Variants in PIK3CB observed in about 807,000 individuals in gnomAD.
PIK3CB encodes the protein phosphatidylinositol-4,5-bisphosphate 3-kinase catalytic subunit beta, also known as phosphatidylinositol 4,5-bisphosphate 3-kinase catalytic subunit beta isoform.
In PIK3CB, 39 loss-of-function variants were observed where a neutral mutation model predicts 136.8. The observed-to-expected ratio is 0.29, with a 90% CI of 0.22 to 0.37. The LOEUF (loss-of-function observed/expected upper bound fraction) is 0.37, where lower values mean the gene tolerates loss of function less well. Among genes scored for constraint, PIK3CB ranks in the 10% least tolerant of loss-of-function variants. PIK3CB has a pLI of 1.00. For missense variants in PIK3CB, 868 were observed against 1,275.4 expected, an observed-to-expected ratio of 0.68 and a Z score of 4.87; for synonymous variants, 428 against 436.6, an observed-to-expected ratio of 0.98 and a Z score of 0.25.
At chr3:138,831,269 A>AT (rs1474639996) in intron 1 of PIK3CB, among the ~76,000 whole-genome samples, 48 of 146,922 alleles carry the variant, frequency 3.3e-4, no homozygotes, top group African/African-American at 1.1e-3. Context: ...AATAAATAAA[A>AT]TAAAATAAAA....
chr3:138,683,422 G>A (rs756727547), intron 18 of PIK3CB, among the ~76,000 whole-genome samples: 8 of 151,760 alleles, frequency 5.3e-5, no homozygotes, highest in Middle Eastern at 3.4e-3. Flanking sequence ...GAGTAGGCGC[G>A]TTTTGTATTT....
At chr3:138,758,061 G>A (rs2045604858) in intron 3 of PIK3CB, among the ~76,000 whole-genome samples, 1 of 152,132 alleles carries the variant, frequency 6.6e-6, no homozygotes, top group Admixed American at 6.5e-5. Flanking sequence ...TACATACAAT[G>A]GAATATTATT....
Position 138,665,070 on chromosome 3 carries a change from C to T in PIK3CB, c.2638G>A (p.Ala880Thr). Reference protein sequence around the residue: ...VAAAAAFNKDALLNWLKEYNS... With the variant: ...VAAAAAFNKDTLLNWLKEYNS... Reference sequence around the variant, plus strand: ...TATTCTTTAAGCCAGTTCAGAAGGGCATCTTTGTTGAAGGCTGCTGCAGCA... The same window carrying T: ...TATTCTTTAAGCCAGTTCAGAAGGGTATCTTTGTTGAAGGCTGCTGCAGCA... Residue 880 changes from alanine (A) to threonine (T), a missense_variant, in exon 20 of 24, where the codon GCC (alanine) becomes ACC (threonine). By Grantham distance (58) the Ala-to-Thr change is moderately conservative. Coordinates refer to ENST00000674063, the MANE Select transcript of PIK3CB (RefSeq NM_006219.3). 1 of 1,612,368 alleles carries T rather than the reference C, an allele frequency of 6.2e-7. No individual in the cohort carries two copies. Among genetic ancestry groups the T allele is most frequent in the South Asian group, 1.1e-5 (1 of 90,630 alleles).
intron 6 of PIK3CB, among the ~76,000 whole-genome samples, chr3:138,736,397 T>C (rs563193902): frequency 1.3e-5 from 2 of 152,284 alleles, no homozygotes; most frequent in South Asian, 4.1e-4. Flanking sequence ...CAAACACATA[T>C]TACTTTATAA....
At chr3:138,790,648 CAA>C (rs770490275) in intron 2 of PIK3CB, among the ~76,000 whole-genome samples, 16 of 98,574 alleles carry the variant, frequency 1.6e-4, no homozygotes, top group South Asian at 3.1e-4. Flanking sequence ...ACTAAAAATA[CAA>C]AAAAAAAAAA....
chr3:138,670,270 T>C (rs1445879672), intron 19 of PIK3CB, among the ~76,000 whole-genome samples: 2 of 152,232 alleles, frequency 1.3e-5, no homozygotes, highest in Non-Finnish European at 2.9e-5. Context: ...GGAAACAGTC[T>C]TTAGCTTAGC....
chr3:138,711,960 A>AAT (rs892748715), intron 10 of PIK3CB, among the ~76,000 whole-genome samples: 4 of 151,836 alleles, frequency 2.6e-5, no homozygotes, highest in Admixed American at 2.0e-4. Context: ...ATAAAAAAAA[A>AAT]TAATAAATAA....
Position 138,663,895 on chromosome 3 carries a change from G to T in PIK3CB, c.2796+11C>A. 1 of 1,612,254 alleles carries T rather than the reference G, an allele frequency of 6.2e-7. No homozygotes were observed. The highest frequency in any genetic ancestry group is 1.1e-5 in the South Asian group (1 of 90,654). ...ACTAAGGCCCTTGGCAGATCCTGAG[G>T]AGCAGCTCACCTGGCCAGTTTTTTT... On this transcript the variant is annotated intron_variant, in intron 21 of 23. Coordinates refer to ENST00000674063, the MANE Select transcript of PIK3CB (RefSeq NM_006219.3).
intron 2 of PIK3CB, among the ~76,000 whole-genome samples, chr3:138,776,922 C>CAAAAA (rs11435742): frequency 8.7e-5 from 5 of 57,372 alleles, no homozygotes; most frequent in African/African-American, 2.9e-4. Context: ...GACTCTACCT[C>CAAAAA]AAAAAAAAAA....
intron 12 of PIK3CB, among the ~76,000 whole-genome samples, chr3:138,701,211 A>AT (rs943237037): frequency 7.9e-5 from 12 of 151,188 alleles, no homozygotes; most frequent in Admixed American, 1.3e-4. Context: ...GTCATTAAAG[A>AT]TTAAAAAAAA....
intron 2 of PIK3CB, among the ~76,000 whole-genome samples, chr3:138,782,012 C>G (rs1341023706): frequency 6.6e-6 from 1 of 152,230 alleles, no homozygotes; most frequent in East Asian, 1.9e-4. Flanking sequence ...ATTGCTAACA[C>G]AGACCAAATT....
intron 13 of PIK3CB, among the ~76,000 whole-genome samples, chr3:138,697,485 G>A (rs1376463881): frequency 6.6e-6 from 1 of 151,872 alleles, no homozygotes; most frequent in East Asian, 1.9e-4. Flanking sequence ...ACCCAGGCTA[G>A]AATACAATGG....
At position 138,772,526 on chromosome 3, in the gene PIK3CB, T is replaced by C. The variant is rs183902113; in HGVS notation, c.-16-13167A>G. ...AGGCTGGAATGCAGTGGCACGATCATGGTTCCCTGCAGCCTTGACCTCCCA... is the reference window on the plus strand; with the variant it reads ...AGGCTGGAATGCAGTGGCACGATCACGGTTCCCTGCAGCCTTGACCTCCCA... On this transcript the variant is annotated intron_variant, in intron 2 of 23. Transcript: ENST00000674063. Among the ~76,000 whole-genome samples the C allele has an allele frequency of 5.7e-3, 870 of 151,950 alleles. 8 individuals carry two copies. Among genetic ancestry groups the C allele is most frequent in the Non-Finnish European group, 9.3e-3 (631 of 67,976 alleles).
chr3:138,774,831 G>A (rs1257024183), intron 2 of PIK3CB, among the ~76,000 whole-genome samples: 2 of 152,170 alleles, frequency 1.3e-5, no homozygotes, highest in African/African-American at 4.8e-5. Context: ...AATTCTTTTA[G>A]TTATTTCTGT....
chr3:138,698,358 G>A (rs896538861), intron 13 of PIK3CB, among the ~76,000 whole-genome samples: 2 of 152,110 alleles, frequency 1.3e-5, no homozygotes, highest in African/African-American at 2.4e-5. Context: ...TTTTGGCAGG[G>A]TCTTGAAAAT....
intron 2 of PIK3CB, chr3:138,778,170 C>G: frequency 2.2e-6 from 1 of 450,924 alleles, no homozygotes; most frequent in South Asian, 1.6e-5. Flanking sequence ...AAGGAGAAAC[C>G]GAAAGGGTCA....
intron 3 of PIK3CB, 60 bp from the exon 4 acceptor site, chr3:138,756,039 A>T: frequency 1.1e-6 from 1 of 887,468 alleles, no homozygotes; most frequent in Non-Finnish European, 1.9e-6. Flanking sequence ...GTACAAAGAT[A>T]TAAGGATGCT....
rs551465421 is a variant in PIK3CB at position 138,832,549 on chromosome 3, C to G, written c.-122+2146G>C. Among the ~76,000 whole-genome samples, 115 of 151,916 alleles carry G rather than the reference C, an allele frequency of 7.6e-4. 2 individuals carry two copies. The South Asian group carries it at 0.023, about 31-fold the overall frequency. ...TCTACCAAAAATACAAAGATTGGGC[C>G]GGGCGCGGTGGCTTCCTCCTGTAAT... On this transcript the variant is annotated intron_variant, in intron 1 of 23. Coordinates refer to ENST00000674063, the MANE Select transcript of PIK3CB (RefSeq NM_006219.3).
chr3:138,722,782 G>T (rs568013224), intron 8 of PIK3CB, among the ~76,000 whole-genome samples: 1 of 151,238 alleles, frequency 6.6e-6, no homozygotes, highest in East Asian at 1.9e-4. Context: ...CAAAAAATGT[G>T]ATCTTGAAAA....
Sources: gnomAD v4.1 joint callset for allele counts (sites outside exome capture counted in the v4.1 genomes callset) on GRCh38, gnomAD v4.1.1 for gene constraint, MANE v1.5 for transcripts, NCBI Gene and HGNC (gene_info 2026-07-23, HGNC 2026-07-21) for gene names.